The following ADARB2 variants were observed in gnomAD, a reference collection of about 807,000 sequenced individuals.
The protein encoded by ADARB2 is adenosine deaminase RNA specific B2 (inactive), also known as inactive double-stranded RNA-specific editase B2.
Under a neutral mutation model 62.2 loss-of-function variants are expected in ADARB2, and 25 were observed. That is an observed-to-expected ratio of 0.40 (90% CI 0.29 to 0.56). The LOEUF (loss-of-function observed/expected upper bound fraction) is 0.56, where lower values mean the gene tolerates loss of function less well. Ranked by LOEUF, ADARB2 falls within the 20% of genes least tolerant of loss-of-function variation. The probability of loss-of-function intolerance (pLI) is 0.43; values close to 1 mark genes in which losing one functional copy is unlikely to be tolerated. For synonymous variants in ADARB2, 572 were observed against 500.8 expected, an observed-to-expected ratio of 1.14 and a Z score of -1.90; for missense variants, 1,071 against 1,077.4, an observed-to-expected ratio of 0.99 and a Z score of 0.08.
intron 4 of ADARB2, among the ~76,000 whole-genome samples, chr10:1,265,055 G>A (rs569262869): frequency 4.6e-5 from 7 of 152,312 alleles, no homozygotes; most frequent in African/African-American, 1.7e-4. Flanking sequence ...TCACCACCGG[G>A]CCTTGATGCC....
intron 1 of ADARB2, among the ~76,000 whole-genome samples, chr10:1,670,338 G>T (rs1051006294): frequency 4.6e-5 from 7 of 152,166 alleles, no homozygotes; most frequent in Non-Finnish European, 1.0e-4. Flanking sequence ...CCCAAAGTTT[G>T]AACAGGGGTC....
chr10:1,554,376 C>T (rs564992267), intron 1 of ADARB2, among the ~76,000 whole-genome samples: 3 of 152,214 alleles, frequency 2.0e-5, no homozygotes, highest in Non-Finnish European at 2.9e-5. Context: ...TTTGTTCTCA[C>T]GGTTGGGCTG....
At chr10:1,507,528 G>A (rs796884115) in intron 1 of ADARB2, among the ~76,000 whole-genome samples, 13 of 152,320 alleles carry the variant, frequency 8.5e-5, no homozygotes, top group African/African-American at 2.9e-4. Context: ...TGAATCTGAC[G>A]ACTGCCTAGA....
chr10:1,518,509 A>T (rs1471067884), intron 1 of ADARB2, among the ~76,000 whole-genome samples: 1 of 152,256 alleles, frequency 6.6e-6, no homozygotes, highest in Non-Finnish European at 1.5e-5. Flanking sequence ...GGAGCCTTCC[A>T]TGTAACATCT....
intron 1 of ADARB2, among the ~76,000 whole-genome samples, chr10:1,505,283 C>T (rs147308850): frequency 7.2e-5 from 11 of 152,284 alleles, no homozygotes; most frequent in African/African-American, 1.9e-4. Context: ...CCATTTAACC[C>T]GCATCCTGCG....
chr10:1,201,775 C>T (rs1259478672), intron 7 of ADARB2, among the ~76,000 whole-genome samples: 1 of 148,486 alleles, frequency 6.7e-6, no homozygotes, highest in Admixed American at 6.8e-5. Flanking sequence ...CACACAGCGC[C>T]TGTCACTGAG....
intron 1 of ADARB2, among the ~76,000 whole-genome samples, chr10:1,674,473 G>A (rs957442170): frequency 6.6e-6 from 1 of 152,180 alleles, no homozygotes; most frequent in African/African-American, 2.4e-5. Flanking sequence ...ATATTGATCT[G>A]GCTTGTAGTA....
intron 3 of ADARB2, among the ~76,000 whole-genome samples, chr10:1,362,097 T>G (rs1365348152): frequency 1.3e-5 from 2 of 152,160 alleles, no homozygotes; most frequent in African/African-American, 4.8e-5. Flanking sequence ...GAAAATAGGG[T>G]CTGGAGGCAG....
At chr10:1,251,720 G>C (rs765580485) in intron 4 of ADARB2, among the ~76,000 whole-genome samples, 13 of 152,112 alleles carry the variant, frequency 8.5e-5, no homozygotes, top group Non-Finnish European at 1.8e-4. Context: ...GGTATTAAAA[G>C]GTGGGGCCTT....
intron 8 of ADARB2, among the ~76,000 whole-genome samples, chr10:1,187,680 G>A (rs1318284533): frequency 3.3e-5 from 5 of 152,330 alleles, no homozygotes; most frequent in East Asian, 1.9e-4. Flanking sequence ...CAGGCATGAC[G>A]AGGCCCAAAC....
chr10:1,354,485 C>T (rs553743719), intron 3 of ADARB2, among the ~76,000 whole-genome samples: 1 of 152,192 alleles, frequency 6.6e-6, no homozygotes, highest in East Asian at 1.9e-4. Flanking sequence ...TCTTTTTGGA[C>T]TCAGCCCACC....
intron 1 of ADARB2, among the ~76,000 whole-genome samples, chr10:1,722,889 G>C (rs996886379): frequency 2.0e-5 from 3 of 152,142 alleles, no homozygotes; most frequent in African/African-American, 7.2e-5. Context: ...AAGCACAGTG[G>C]AGTGTGCCTA....
chr10:1,458,901 A>C (rs1485666406), intron 1 of ADARB2, among the ~76,000 whole-genome samples: 1 of 152,248 alleles, frequency 6.6e-6, no homozygotes, highest in Non-Finnish European at 1.5e-5. Context: ...GGTACTTTTC[A>C]AAAGAAGACA....
chr10:1,394,689 T>C (rs1270285989), intron 1 of ADARB2, among the ~76,000 whole-genome samples: 1 of 152,176 alleles, frequency 6.6e-6, no homozygotes, highest in Admixed American at 6.5e-5. Flanking sequence ...CTCCCTGCAC[T>C]GCATGAAGTC....
intron 1 of ADARB2, among the ~76,000 whole-genome samples, chr10:1,586,138 C>T (rs1833178065): frequency 6.6e-6 from 1 of 152,226 alleles, no homozygotes; most frequent in Non-Finnish European, 1.5e-5. Flanking sequence ...GTCATGGGTG[C>T]ATCCTTAACC....
chr10:1,278,289 CTTTTTT>C (rs76796387), intron 3 of ADARB2, among the ~76,000 whole-genome samples: 1 of 141,450 alleles, frequency 7.1e-6, no homozygotes, highest in Non-Finnish European at 1.5e-5. Flanking sequence ...TCCTTTTTTT[CTTTTTT>C]TTTTTTTAAG....
chr10:1,187,064 G>A (rs1355879791), intron 8 of ADARB2, among the ~76,000 whole-genome samples: 1 of 152,208 alleles, frequency 6.6e-6, no homozygotes, highest in Non-Finnish European at 1.5e-5. Flanking sequence ...CAACCACTTC[G>A]AAAGTCACCT....
At chr10:1,348,244 ACTGT>A (rs1032763281) in intron 3 of ADARB2, among the ~76,000 whole-genome samples, 8 of 152,280 alleles carry the variant, frequency 5.3e-5, no homozygotes, top group Admixed American at 1.3e-4. Flanking sequence ...CTCTCAGGAA[ACTGT>A]CTGATGTCTC....
At chr10:1,455,679 T>C (rs1831087540) in intron 1 of ADARB2, among the ~76,000 whole-genome samples, 1 of 152,208 alleles carries the variant, frequency 6.6e-6, no homozygotes, top group African/African-American at 2.4e-5. Context: ...ACTACTACTA[T>C]ATTTGAGGGA....
Sources: gnomAD v4.1 joint callset for allele counts (sites outside exome capture counted in the v4.1 genomes callset) on GRCh38, gnomAD v4.1.1 for gene constraint, MANE v1.5 for transcripts, NCBI Gene and HGNC (gene_info 2026-07-23, HGNC 2026-07-21) for gene names.